NELL1: variants seen among roughly 807,000 people sequenced by gnomAD.
NELL1 encodes the protein neural EGFL like 1, also known as protein kinase C-binding protein NELL1.
A neutral mutation model predicts 107.4 loss-of-function variants in NELL1; 76 were observed. The observed-to-expected ratio is 0.71, with a 90% confidence interval of 0.59 to 0.86. The LOEUF is 0.86. NELL1 is among the 40% of genes least tolerant of loss of function. The pLI is 0.00. For synonymous variants in NELL1, 353 were observed against 341.2 expected, an observed-to-expected ratio of 1.03 and a Z score of -0.38; for missense variants, 1,024 against 1,005.5, an observed-to-expected ratio of 1.02 and a Z score of -0.25.
chr11:20,952,381 G>A (rs1182352315), intron 11 of NELL1, among the ~76,000 whole-genome samples: 1 of 152,130 alleles, frequency 6.6e-6, no homozygotes, highest in East Asian at 1.9e-4. Context: ...AAGATTTTAT[G>A]TCCTTCAATT....
In NELL1 at chr11:21,516,695, G is replaced by T. The variant is rs151036421; in HGVS notation, c.1646-17679G>T. Among the ~76,000 whole-genome samples, 91 of 151,110 alleles carry T rather than the reference G, an allele frequency of 6.0e-4. 3 individuals carry two copies. The highest frequency in any genetic ancestry group is 2.9e-5 in the Non-Finnish European group (2 of 67,870). ...GTAAAAATATATTATACTCTTATAGGATCACTGTTGTATACATGGTCTGTC... is the reference window on the plus strand; with the variant it reads ...GTAAAAATATATTATACTCTTATAGTATCACTGTTGTATACATGGTCTGTC... On this transcript the variant is annotated intron_variant, in intron 15 of 19. Coordinates refer to ENST00000357134, the MANE Select transcript of NELL1 (RefSeq NM_006157.5).
intron 12 of NELL1, among the ~76,000 whole-genome samples, chr11:21,105,761 A>T (rs1419989372): frequency 6.8e-6 from 1 of 147,510 alleles, no homozygotes; most frequent in African/African-American, 2.5e-5. Flanking sequence ...CCTAACTCCT[A>T]TATCATTACC....
chr11:20,784,789 G>A (rs1024739132), intron 3 of NELL1, among the ~76,000 whole-genome samples: 14 of 152,134 alleles, frequency 9.2e-5, no homozygotes, highest in African/African-American at 1.9e-4. Context: ...GGTGCCATGC[G>A]AGGTTTTGTG....
At chr11:21,442,006 A>G (rs917463394) in intron 15 of NELL1, among the ~76,000 whole-genome samples, 5 of 152,154 alleles carry the variant, frequency 3.3e-5, no homozygotes, top group Admixed American at 3.3e-4. Flanking sequence ...AAAAATACTT[A>G]TAGGTTCCTA....
chr11:21,144,655 C>A (rs571482134), intron 13 of NELL1, among the ~76,000 whole-genome samples: 1 of 152,280 alleles, frequency 6.6e-6, no homozygotes, highest in South Asian at 2.1e-4. Flanking sequence ...CTAGAGTCTG[C>A]TGCTTTTAGC....
chr11:20,908,555 C>A (rs548911067), intron 5 of NELL1, among the ~76,000 whole-genome samples: 1 of 151,860 alleles, frequency 6.6e-6, no homozygotes, highest in Non-Finnish European at 1.5e-5. Context: ...GGGCCTGTTG[C>A]GGGATGGGGG....
chr11:20,888,241 AAAGAG>A (rs1441354657), intron 5 of NELL1, among the ~76,000 whole-genome samples: 1 of 152,068 alleles, frequency 6.6e-6, no homozygotes, highest in African/African-American at 2.4e-5. Context: ...CTTCAGAGAT[AAAGAG>A]AAGAAAATAG....
intron 15 of NELL1, among the ~76,000 whole-genome samples, chr11:21,408,729 T>A (rs1448572430): frequency 6.6e-6 from 1 of 152,088 alleles, no homozygotes; most frequent in Non-Finnish European, 1.5e-5. Context: ...GTTTTAGACA[T>A]GAAGTCTTTG....
intron 9 of NELL1, among the ~76,000 whole-genome samples, chr11:20,934,969 C>T (rs1462736264): frequency 6.6e-6 from 1 of 152,302 alleles, no homozygotes; most frequent in South Asian, 2.1e-4. Context: ...TTGGTCTCTA[C>T]TTCTAATGTT....
intron 13 of NELL1, 80 bp from the exon 14 acceptor site, chr11:21,229,252 G>A: frequency 6.5e-7 from 1 of 1,532,566 alleles, no homozygotes; most frequent in Non-Finnish European, 8.9e-7. Context: ...CTTATTTGGT[G>A]AATTCCAGCT....
chr11:21,391,602 A>G (rs546931228), intron 15 of NELL1, among the ~76,000 whole-genome samples: 18 of 151,494 alleles, frequency 1.2e-4, no homozygotes, highest in Non-Finnish European at 2.5e-4. Context: ...ATTATCTTCC[A>G]AATTAATTGA....
intron 2 of NELL1, among the ~76,000 whole-genome samples, chr11:20,712,810 C>G (rs1855146245): frequency 6.6e-6 from 1 of 152,200 alleles, no homozygotes. Flanking sequence ...ATGTTTGCAA[C>G]AAGTCCTGTG....
chr11:21,388,552 G>A (rs1564871004), intron 15 of NELL1, among the ~76,000 whole-genome samples: 1 of 151,738 alleles, frequency 6.6e-6, no homozygotes, highest in Non-Finnish European at 1.5e-5. Context: ...ACAAAACAGT[G>A]TCAAGTAAGT....
Position 21,420,279 on chromosome 11 carries a change from A to G in NELL1, c.1645+49331A>G, listed in dbSNP as rs538195349. On this transcript the variant is annotated intron_variant, in intron 15 of 19. Coordinates refer to ENST00000357134, the MANE Select transcript of NELL1 (RefSeq NM_006157.5). Reference sequence around the variant, plus strand: ...ACTTAATAGTACATTAAATGAGAGAAGACTTAAGTTAAACATGGTAGATTA... The same window carrying G: ...ACTTAATAGTACATTAAATGAGAGAGGACTTAAGTTAAACATGGTAGATTA... Among the ~76,000 whole-genome samples, 4 of 152,268 alleles carry G rather than the reference A, an allele frequency of 2.6e-5. No homozygotes were observed. In the East Asian group the frequency reaches 7.7e-4, roughly 29 times the overall value.
chr11:21,119,071 G>A (rs1590654317), intron 13 of NELL1, among the ~76,000 whole-genome samples: 1 of 152,044 alleles, frequency 6.6e-6, no homozygotes, highest in Non-Finnish European at 1.5e-5. Flanking sequence ...TTGTTAATTA[G>A]GCAATATCTT....
intron 7 of NELL1, chr11:20,927,031 C>G: frequency 3.0e-6 from 1 of 333,348 alleles, no homozygotes; most frequent in South Asian, 4.5e-5. Flanking sequence ...ATGGAAAGCA[C>G]ACACATTTAT....
chr11:21,549,376 C>T (rs1300960083), intron 16 of NELL1, among the ~76,000 whole-genome samples: 1 of 151,836 alleles, frequency 6.6e-6, no homozygotes, highest in Non-Finnish European at 1.5e-5. Context: ...TCAATCATAA[C>T]TCAATAAAAG....
intron 3 of NELL1, among the ~76,000 whole-genome samples, chr11:20,825,912 A>T (rs1857872619): frequency 6.6e-6 from 1 of 151,138 alleles, no homozygotes; most frequent in African/African-American, 2.4e-5. Flanking sequence ...TGTAATTCCC[A>T]TGTGTTTGGA....
At chr11:20,702,415 A>C (rs1416013341) in intron 2 of NELL1, among the ~76,000 whole-genome samples, 1 of 152,152 alleles carries the variant, frequency 6.6e-6, no homozygotes. Flanking sequence ...TTGGGCTGAG[A>C]CAATGGGGTT....
Sources: gnomAD v4.1 joint callset for allele counts (sites outside exome capture counted in the v4.1 genomes callset) on GRCh38, gnomAD v4.1.1 for gene constraint, MANE v1.5 for transcripts, NCBI Gene and HGNC (gene_info 2026-07-23, HGNC 2026-07-21) for gene names.